TTC17: variants seen among roughly 807,000 people sequenced by gnomAD.
TTC17 encodes the protein tetratricopeptide repeat domain 17.
Under a neutral mutation model 143.8 loss-of-function variants are expected in TTC17, and 58 were observed. That is an observed-to-expected ratio of 0.40 (90% CI 0.33 to 0.50). The LOEUF (loss-of-function observed/expected upper bound fraction) is 0.50. Among genes scored for constraint, TTC17 ranks in the 20% least tolerant of loss-of-function variants. The pLI is 0.49. For synonymous variants in TTC17, 501 were observed against 497.8 expected (o/e 1.01, Z -0.09); for missense variants, 1,273 against 1,392.5 (o/e 0.91, Z 1.37).
chr11:43,490,224 A>G lies in TTC17; in HGVS notation c.3031-15A>G, dbSNP rs946244426. The stretch of plus-strand genomic sequence containing the variant: ...TCTTGAAAGGACACCAGCCTTGGCT[A>G]ACATTCCTTTGCAGAACCAGACGTC... On this transcript the variant is annotated splice_polypyrimidine_tract_variant and intron_variant, in intron 21 of 23. Coordinates refer to ENST00000039989, the MANE Select transcript of TTC17 (RefSeq NM_018259.6). The G allele has an allele frequency of 7.5e-6, 12 of 1,598,842 alleles. No homozygotes were observed. The highest frequency in any genetic ancestry group is 9.4e-6 in the Non-Finnish European group (11 of 1,169,508).
chr11:43,434,794 T>A (rs1947248510), intron 16 of TTC17, among the ~76,000 whole-genome samples: 1 of 152,246 alleles, frequency 6.6e-6, no homozygotes, highest in Non-Finnish European at 1.5e-5. Flanking sequence ...CCTCAATTTC[T>A]GACATAGTCT....
intron 1 of TTC17, among the ~76,000 whole-genome samples, chr11:43,378,699 T>C (rs1041538434): frequency 2.0e-5 from 3 of 152,240 alleles, no homozygotes. Context: ...GTTCATTTTT[T>C]CTACAGCTTC....
intron 15 of TTC17, among the ~76,000 whole-genome samples, chr11:43,412,129 A>G (rs1858441102): frequency 6.6e-6 from 1 of 152,238 alleles, no homozygotes; most frequent in South Asian, 2.1e-4. Context: ...TGCTTATGAA[A>G]ACAAAGTCTC....
At chr11:43,456,983 T>G (rs895851768) in intron 21 of TTC17, among the ~76,000 whole-genome samples, 9 of 152,194 alleles carry the variant, frequency 5.9e-5, no homozygotes, top group Admixed American at 4.6e-4. Flanking sequence ...CATAAGCATA[T>G]GGCTTTTTCC....
At chr11:43,462,987 C>T (rs556759198) in intron 21 of TTC17, among the ~76,000 whole-genome samples, 3 of 140,958 alleles carry the variant, frequency 2.1e-5, no homozygotes, top group Non-Finnish European at 4.4e-5. Flanking sequence ...GCTATCTTGG[C>T]TCACTGCAAC....
At chr11:43,428,850 T>A (rs376941627) in intron 16 of TTC17, among the ~76,000 whole-genome samples, 3 of 152,352 alleles carry the variant, frequency 2.0e-5, no homozygotes, top group East Asian at 3.9e-4. Context: ...TGTAAACTCT[T>A]CTGACTTAAT....
At chr11:43,392,709 T>C (rs976137627) in intron 5 of TTC17, among the ~76,000 whole-genome samples, 7 of 152,222 alleles carry the variant, frequency 4.6e-5, no homozygotes, top group Admixed American at 1.3e-4. Context: ...CTGAAGGTAA[T>C]GTAAAACTTT....
At chr11:43,417,873 T>A (rs1298676439) in intron 16 of TTC17, among the ~76,000 whole-genome samples, 2 of 152,200 alleles carry the variant, frequency 1.3e-5, no homozygotes, top group Non-Finnish European at 2.9e-5. Flanking sequence ...AATAAACAAT[T>A]ATTTTTACAG....
At chr11:43,484,698 C>T (rs1245550163) in intron 21 of TTC17, among the ~76,000 whole-genome samples, 2 of 152,084 alleles carry the variant, frequency 1.3e-5, no homozygotes, top group Non-Finnish European at 2.9e-5. Flanking sequence ...TAAAACAAGA[C>T]ATTATGCTGT....
chr11:43,408,599 TC>T, intron 15 of TTC17, among the ~76,000 whole-genome samples: 1 of 152,188 alleles, frequency 6.6e-6, no homozygotes, highest in African/African-American at 2.4e-5. Context: ...GTAGTATTCT[TC>T]TGAAGAAAAA....
chr11:43,359,150 C>A, intron 1 of TTC17, 37 bp downstream of exon 1: 2 of 1,538,878 alleles, frequency 1.3e-6, no homozygotes, highest in Non-Finnish European at 1.7e-6. Context: ...CCGTGCCCGC[C>A]CTCGCCCCGG....
chr11:43,490,442 C>T, intron 22 of TTC17, 84 bp downstream of exon 22: 1 of 1,464,002 alleles, frequency 6.8e-7, no homozygotes, highest in Non-Finnish European at 9.1e-7. Context: ...GAACCAGCCT[C>T]CCTCATGCTC....
At chr11:43,438,560 G>A (rs1204143545) in intron 16 of TTC17, among the ~76,000 whole-genome samples, 1 of 152,198 alleles carries the variant, frequency 6.6e-6, no homozygotes, top group Non-Finnish European at 1.5e-5. Flanking sequence ...AAGATAGTAT[G>A]TGCCTTACTT....
intron 16 of TTC17, among the ~76,000 whole-genome samples, chr11:43,438,240 C>T (rs920225093): frequency 6.6e-6 from 1 of 152,172 alleles, no homozygotes; most frequent in Non-Finnish European, 1.5e-5. Context: ...TCACTGCAAC[C>T]TCCACTTCCC....
chr11:43,467,644 T>C (rs1948003009), intron 21 of TTC17, among the ~76,000 whole-genome samples: 1 of 152,210 alleles, frequency 6.6e-6, no homozygotes, highest in Admixed American at 6.5e-5. Flanking sequence ...ATGGTTAAGA[T>C]AAATTTTATG....
chr11:43,431,916 A>AG (rs1383373661), intron 16 of TTC17, among the ~76,000 whole-genome samples: 1 of 152,216 alleles, frequency 6.6e-6, no homozygotes, highest in Non-Finnish European at 1.5e-5. Flanking sequence ...TGTACCCATA[A>AG]CCACTGCTCT....
At chr11:43,462,996 A>G (rs1947900570) in intron 21 of TTC17, among the ~76,000 whole-genome samples, 1 of 125,358 alleles carries the variant, frequency 8.0e-6, no homozygotes, top group African/African-American at 5.6e-5. Flanking sequence ...GCTCACTGCA[A>G]CCTCTGCCTC....
At position 43,405,405 on chromosome 11, in the gene TTC17, G is replaced by C. The variant is rs936429181; in HGVS notation, c.1480-109G>C. 79 of 802,542 alleles carry C rather than the reference G, an allele frequency of 9.8e-5. 1 individual carries two copies. In the Admixed American group the frequency reaches 1.7e-3, roughly 17 times the overall value. The allele number at this position is 802,542 out of a possible 1,614,324, so 49.7% of individuals were successfully genotyped here. The stretch of plus-strand genomic sequence containing the variant: ...ATTATAGAGTCTACCATAATCTTAA[G>C]ATATTATAGTTTTGTTCAATTATTG... On this transcript the variant is annotated intron_variant, in intron 11 of 23. Coordinates refer to ENST00000039989, the MANE Select transcript of TTC17 (RefSeq NM_018259.6).
rs902113341 is a variant in TTC17 at position 43,450,164 on chromosome 11, A to G, written c.2869A>G (p.Met957Val). The G allele has an allele frequency of 7.4e-6, 12 of 1,614,202 alleles. No homozygotes were observed. Among genetic ancestry groups the G allele is most frequent in the Non-Finnish European group, 1.0e-5 (12 of 1,180,028 alleles). ...PLCNGNLPTS[M>V]HTLDHLHGVS... The stretch of plus-strand genomic sequence containing the variant: ...TTGCAATGGCAATCTCCCCACGAGT[A>G]TGCATACCCTGGACCACTTGCATGG... The change falls in exon 20 of 24, where the codon ATG becomes GTG. Residue 957 changes from methionine to valine, a missense_variant. Physicochemically the swap from Met to Val is conservative, Grantham distance 21. Coordinates refer to ENST00000039989, the MANE Select transcript of TTC17 (RefSeq NM_018259.6).
Sources: allele counts gnomAD v4.1 joint callset (sites outside exome capture counted in the v4.1 genomes callset), GRCh38; gene constraint gnomAD v4.1.1; transcripts MANE v1.5; gene names NCBI Gene and HGNC (gene_info 2026-07-23, HGNC 2026-07-21).